The following LTA4H variants were observed in gnomAD, a reference collection of about 807,000 sequenced individuals.
LTA4H encodes leukotriene A-4 hydrolase.
A neutral mutation model predicts 89.8 loss-of-function variants in LTA4H; 59 were observed. The observed-to-expected ratio is 0.66, with a 90% CI of 0.53 to 0.82. The LOEUF (loss-of-function observed/expected upper bound fraction) is 0.82. LTA4H is among the 40% of genes least tolerant of loss of function. The pLI, the probability that LTA4H is intolerant of heterozygous loss-of-function variation, is 0.00. For synonymous variants in LTA4H, 227 were observed against 253.1 expected (o/e 0.90, Z 0.98); for missense variants, 617 against 727.0 (o/e 0.85, Z 1.74).
intron 15 of LTA4H, among the ~76,000 whole-genome samples, chr12:96,008,187 A>G (rs1950234683): frequency 6.6e-6 from 1 of 152,224 alleles, no homozygotes; most frequent in South Asian, 2.1e-4. Context: ...TGTCCCCTGA[A>G]CTTAAAAGTT....
chr12:96,008,527 G>T (rs1197859417), intron 15 of LTA4H, among the ~76,000 whole-genome samples: 1 of 151,778 alleles, frequency 6.6e-6, no homozygotes, highest in Non-Finnish European at 1.5e-5. Flanking sequence ...AGAAAGGTAA[G>T]ATGCAAATAT....
upstream of LTA4H, among the ~76,000 whole-genome samples, chr12:96,039,946 G>A (rs1235320848): frequency 4.6e-5 from 7 of 152,184 alleles, no homozygotes; most frequent in Non-Finnish European, 5.9e-5. Flanking sequence ...CTAGTACCCA[G>A]CTGTACTAAT....
upstream of LTA4H, among the ~76,000 whole-genome samples, chr12:96,038,656 G>T (rs1950667083): frequency 6.6e-6 from 1 of 151,608 alleles, no homozygotes; most frequent in East Asian, 1.9e-4. Context: ...TGGGATTACA[G>T]GTACGAGCCA....
intron 3 of LTA4H, among the ~76,000 whole-genome samples, chr12:96,025,614 T>C (rs1420289882): frequency 6.6e-6 from 1 of 152,128 alleles, no homozygotes; most frequent in Non-Finnish European, 1.5e-5. Flanking sequence ...GAGGATTGCT[T>C]GAGCTCTAGA....
intron 1 of LTA4H, among the ~76,000 whole-genome samples, chr12:96,030,336 A>G (rs973585279): frequency 6.6e-6 from 1 of 152,044 alleles, no homozygotes; most frequent in Non-Finnish European, 1.5e-5. Context: ...TCATGCCCAC[A>G]TCTTCAATTA....
chr12:96,006,357 G>A lies in LTA4H; in HGVS notation c.1487C>T (p.Ser496Phe). Residue 496 changes from serine (S) to phenylalanine (F), a missense_variant, in exon 16 of 19, where the codon TCT becomes TTT. Transcript: ENST00000228740. The part of the protein sequence containing the change: ...SFNATDLKDL[S>F]SHQLNEFLAQ... The stretch of plus-strand genomic sequence containing the variant: ...TAAAAACTCATTCAATTGATGAGAA[G>A]AGAGATCCTTCAGGTCTGTGGCATT... 1 of 1,612,114 alleles carries A rather than the reference G, an allele frequency of 6.2e-7. No homozygotes were observed. The highest frequency in any genetic ancestry group is 8.5e-7 in the Non-Finnish European group (1 of 1,179,044).
chr12:96,040,484 T>C (rs540144700), upstream of LTA4H, among the ~76,000 whole-genome samples: 147 of 152,244 alleles, frequency 9.7e-4, no homozygotes, highest in African/African-American at 2.4e-3. Context: ...TCCAATGGCA[T>C]GTAAGTGGAA....
At chr12:96,013,307 CAA>C in intron 13 of LTA4H, 49 bp from the exon 14 acceptor site, 1 of 1,301,566 alleles carries the variant, frequency 7.7e-7, no homozygotes, top group Non-Finnish European at 1.1e-6. Context: ...CCTTTCCTGT[CAA>C]AAAAAAATTT....
intron 8 of LTA4H, 126 bp from the exon 9 acceptor site, chr12:96,017,706 A>T: frequency 1.8e-6 from 1 of 553,134 alleles, no homozygotes; most frequent in East Asian, 3.2e-5. Flanking sequence ...CAGCACTTCA[A>T]AGAAGGTAAA....
rs1190603938 is a variant in LTA4H, at chr12:96,017,028, A to G, written c.947+16T>C. 1.9e-6 allele frequency: 3 copies of G among 1,576,904 alleles called. No homozygotes were observed. Among genetic ancestry groups the G allele is most frequent in the Admixed American group, 3.3e-5 (2 of 59,908 alleles). ...AGCAACATGAACCAATAAAGAAATA[A>G]TAACAAAAATCTTACCAAAAGTGAT... is the stretch of plus-strand genomic sequence containing the variant. On this transcript the variant is annotated intron_variant, in intron 10 of 18. Transcript: ENST00000228740.
At chr12:96,037,980 G>T (rs1336936967), upstream of LTA4H, among the ~76,000 whole-genome samples, 1 of 152,036 alleles carries the variant, frequency 6.6e-6, no homozygotes, top group African/African-American at 2.4e-5. Context: ...GTGAGCCACC[G>T]CGCCCGGCCG....
chr12:96,013,107 G>C (rs144266343), intron 14 of LTA4H, 81 bp downstream of exon 14: 19 of 1,075,608 alleles, frequency 1.8e-5, no homozygotes, highest in African/African-American at 9.4e-5. Flanking sequence ...TTTCAGGAAG[G>C]CATACTATTC....
intron 6 of LTA4H, 35 bp from the exon 7 acceptor site, chr12:96,019,275 C>G: frequency 6.5e-7 from 1 of 1,548,932 alleles, no homozygotes; most frequent in Non-Finnish European, 8.8e-7. Context: ...AAAAGAAATT[C>G]ATGGCAAATG....
At chr12:96,023,322 T>TTTTA (rs1555246149) in intron 4 of LTA4H, among the ~76,000 whole-genome samples, 1 of 152,086 alleles carries the variant, frequency 6.6e-6, no homozygotes, top group South Asian at 2.1e-4. Context: ...TGGTGATACG[T>TTTTA]TATATATATG....
Position 96,018,821 on chromosome 12 carries a change from G to T in LTA4H, c.794C>A (p.Ser265Tyr), listed in dbSNP as rs528598350. The T allele has an allele frequency of 6.2e-7, 1 of 1,603,520 alleles. No individual in the cohort carries two copies. The highest frequency in any genetic ancestry group is 8.5e-7 in the Non-Finnish European group (1 of 1,175,176). ...GQYDLLVLPP[S>Y]FPYGGMENPC... ...ATTCTCCATGCCACCATAAGGGAAGGATGGTGGCAGGACCAATAGGTCATA... is the reference window on the plus strand; with the variant it reads ...ATTCTCCATGCCACCATAAGGGAAGTATGGTGGCAGGACCAATAGGTCATA... The change falls in exon 8 of 19, where the codon TCC becomes TAC. Residue 265 changes from serine to tyrosine, a missense_variant. Transcript: ENST00000228740.
At position 96,006,324 on chromosome 12, in the gene LTA4H, G is replaced by A. The variant is rs747019580; in HGVS notation, c.1520C>T (p.Thr507Met). Reference protein sequence around the residue: ...SHQLNEFLAQTLQRAPLPLGH... With the variant: ...SHQLNEFLAQMLQRAPLPLGH... Reference sequence around the variant, plus strand: ...TGAGCTAGTACTTACCCTCTGGAGCGTCTGTGCTAAAAACTCATTCAATTG... The same window carrying A: ...TGAGCTAGTACTTACCCTCTGGAGCATCTGTGCTAAAAACTCATTCAATTG... The change falls in exon 16 of 19, where the codon ACG becomes ATG. Residue 507 changes from threonine to methionine, a missense_variant. Thr to Met is a moderately conservative substitution (Grantham distance 81). Around this residue, in one of 3 missense-constraint regions of LTA4H, gnomAD observed 290 missense variants for 339.1 expected, o/e 0.86. Transcript: ENST00000228740. 17 of 1,604,794 alleles carry A rather than the reference G, an allele frequency of 1.1e-5. No individual in the cohort carries two copies. Among genetic ancestry groups the A allele is most frequent in the South Asian group, 3.3e-5 (3 of 90,426 alleles).
chr12:96,030,453 A>G (rs1035804930), intron 1 of LTA4H, among the ~76,000 whole-genome samples: 1 of 152,170 alleles, frequency 6.6e-6, no homozygotes, highest in Admixed American at 6.5e-5. Context: ...AGCACCACAC[A>G]TTGAATAGGC....
At chr12:96,019,100 A>G in intron 7 of LTA4H, 68 bp downstream of exon 7, 1 of 1,429,706 alleles carries the variant, frequency 7.0e-7, no homozygotes, top group East Asian at 2.3e-5. Flanking sequence ...AAACCATCAC[A>G]TTTCACACTC....
chr12:96,028,510 C>T (rs1050560849), intron 2 of LTA4H, among the ~76,000 whole-genome samples: 1 of 152,184 alleles, frequency 6.6e-6, no homozygotes, highest in Non-Finnish European at 1.5e-5. Context: ...ATTCTGGTTG[C>T]CACTTTCTTG....
Sources: gnomAD v4.1 joint callset for allele counts (sites outside exome capture counted in the v4.1 genomes callset) on GRCh38, gnomAD v4.1.1 for gene constraint, gnomAD v4.1.1 regional missense constraint, MANE v1.5 for transcripts, NCBI Gene and HGNC (gene_info 2026-07-23, HGNC 2026-07-21) for gene names.